The following AKAP19 variants were observed in gnomAD, a reference collection of about 807,000 sequenced individuals.
AKAP19 encodes A-kinase anchoring protein 19.
chr2:190,084,607 A>G, the AKAP19 span, among the ~76,000 whole-genome samples: 5 of 152,240 alleles, frequency 3.3e-5, no homozygotes, highest in African/African-American at 1.2e-4. Context: ...TCTACAGACT[A>G]AACAACTGAG....
At chr2:190,004,749 G>T in the AKAP19 span, among the ~76,000 whole-genome samples, 9 of 152,164 alleles carry the variant, frequency 5.9e-5, no homozygotes, top group Non-Finnish European at 1.2e-4. Flanking sequence ...AGGAGAAAGA[G>T]CAGAGCATTC....
the AKAP19 span, chr2:190,200,183 G>GCT: frequency 6.3e-7 from 1 of 1,577,350 alleles, no homozygotes; most frequent in Admixed American, 1.7e-5. Flanking sequence ...CTGTGGAGGT[G>GCT]CTAGTTTGAA....
At chr2:190,178,801 T>A in the AKAP19 span, among the ~76,000 whole-genome samples, 1 of 152,226 alleles carries the variant, frequency 6.6e-6, no homozygotes, top group East Asian at 1.9e-4. This position sits in a 1 kb window ranked among gnomAD's most constrained non-coding sequence, Gnocchi z 6.3. Flanking sequence ...CCACTTTTTC[T>A]TTCCTTCTGA....
the AKAP19 span, among the ~76,000 whole-genome samples, chr2:190,159,278 T>C: frequency 6.6e-6 from 1 of 152,176 alleles, no homozygotes; most frequent in South Asian, 2.1e-4. Context: ...GTGACAGTGG[T>C]GGAGCAGAAG....
the AKAP19 span, among the ~76,000 whole-genome samples, chr2:190,005,650 C>T: frequency 4.6e-5 from 7 of 152,186 alleles, no homozygotes; most frequent in African/African-American, 1.4e-4. Context: ...TTCCCAGTGG[C>T]ATGTTTCCTA....
chr2:189,891,472 C>T, the AKAP19 span, among the ~76,000 whole-genome samples: 1 of 151,952 alleles, frequency 6.6e-6, no homozygotes, highest in East Asian at 1.9e-4. Flanking sequence ...ATCTGCCCAC[C>T]TCGGCCTCCC....
At chr2:190,148,148 A>T in the AKAP19 span, among the ~76,000 whole-genome samples, 139,922 of 152,198 alleles carry the variant, frequency 0.92, 65,057 homozygotes, top group East Asian at 1. Context: ...TGGCTTTGTC[A>T]TAGATGGCTT....
At chr2:189,985,318 T>A in the AKAP19 span, among the ~76,000 whole-genome samples, 1 of 152,210 alleles carries the variant, frequency 6.6e-6, no homozygotes, top group South Asian at 2.1e-4. Context: ...TTTGATTTCC[T>A]TAGTAGCCAT....
chr2:190,198,500 A>G, the AKAP19 span, among the ~76,000 whole-genome samples: 1 of 151,904 alleles, frequency 6.6e-6, no homozygotes, highest in Non-Finnish European at 1.5e-5. Flanking sequence ...AGGCATGGTG[A>G]CTTGTGCCTG....
the AKAP19 span, among the ~76,000 whole-genome samples, chr2:190,073,454 G>A: frequency 3.9e-5 from 6 of 152,110 alleles, no homozygotes; most frequent in African/African-American, 1.4e-4. Flanking sequence ...TTTTTTATCA[G>A]TGTATATACC....
chr2:190,076,030 C>T, the AKAP19 span, among the ~76,000 whole-genome samples: 5 of 152,200 alleles, frequency 3.3e-5, no homozygotes, highest in African/African-American at 7.2e-5. Flanking sequence ...TTTACTGCTT[C>T]GTGTGTGATT....
chr2:189,890,805 T>A, the AKAP19 span, among the ~76,000 whole-genome samples: 1 of 152,344 alleles, frequency 6.6e-6, no homozygotes, highest in Non-Finnish European at 1.5e-5. Context: ...TTTGAGCCTA[T>A]ATGTGTCTCT....
At chr2:190,068,937 G>A in the AKAP19 span, among the ~76,000 whole-genome samples, 1 of 152,026 alleles carries the variant, frequency 6.6e-6, no homozygotes, top group Non-Finnish European at 1.5e-5. Flanking sequence ...AATGATCTGG[G>A]CTTCCTAGAT....
the AKAP19 span, among the ~76,000 whole-genome samples, chr2:189,918,404 T>G: frequency 2.6e-5 from 4 of 152,124 alleles, no homozygotes; most frequent in Non-Finnish European, 5.9e-5. Context: ...TACCTGTCAT[T>G]CCTGAAGGGT....
chr2:190,012,060 C>T, the AKAP19 span, among the ~76,000 whole-genome samples: 1 of 152,226 alleles, frequency 6.6e-6, no homozygotes, highest in Admixed American at 6.5e-5. Flanking sequence ...TTCTTCCAAT[C>T]CATGAACATG....
the AKAP19 span, among the ~76,000 whole-genome samples, chr2:190,029,399 C>T: frequency 1.1e-4 from 17 of 151,898 alleles, no homozygotes; most frequent in South Asian, 4.1e-4. Context: ...TAGAAGAATT[C>T]GAGCTCTAAA....
the AKAP19 span, among the ~76,000 whole-genome samples, chr2:190,000,837 G>T: frequency 1.3e-5 from 2 of 152,058 alleles, no homozygotes; most frequent in Non-Finnish European, 2.9e-5. Flanking sequence ...GTAGATTAAT[G>T]GATATTTTTG....
chr2:190,164,913 G>A, the AKAP19 span, among the ~76,000 whole-genome samples: 1 of 152,170 alleles, frequency 6.6e-6, no homozygotes, highest in Non-Finnish European at 1.5e-5. Flanking sequence ...TTATCTCTTG[G>A]AGTACATGTG....
At chr2:190,171,705 C>T in the AKAP19 span, among the ~76,000 whole-genome samples, 56 of 152,160 alleles carry the variant, frequency 3.7e-4, no homozygotes, top group South Asian at 2.1e-4. Flanking sequence ...GACAGTGTTT[C>T]CATTAAGTTT....
Sources: allele counts gnomAD v4.1 joint callset (sites outside exome capture counted in the v4.1 genomes callset), GRCh38; gene constraint gnomAD v4.1.1; non-coding constraint Gnocchi (gnomAD v3.1); transcripts MANE v1.5; gene names NCBI Gene and HGNC (gene_info 2026-07-23, HGNC 2026-07-21).